SPMIP4: variants seen among roughly 807,000 people sequenced by gnomAD.
The protein encoded by SPMIP4 is sperm microtubule inner protein 4, also known as sperm-associated microtubule inner protein 4.
At chr7:25,144,332 G>A in the SPMIP4 span, among the ~76,000 whole-genome samples, 1 of 152,208 alleles carries the variant, frequency 6.6e-6, no homozygotes, top group Admixed American at 6.5e-5. Context: ...TGGACTTCTT[G>A]GACTACTTCG....
At chr7:25,136,447 G>T in the SPMIP4 span, 3 of 1,614,142 alleles carry the variant, frequency 1.9e-6, no homozygotes, top group East Asian at 6.7e-5. This position sits in a 1 kb window ranked among gnomAD's most constrained non-coding sequence, Gnocchi z 5.7. Context: ...TTTAGTATCT[G>T]TGATTTTTGG....
At chr7:25,178,374 T>C in the SPMIP4 span, among the ~76,000 whole-genome samples, 2 of 152,216 alleles carry the variant, frequency 1.3e-5, no homozygotes, top group African/African-American at 4.8e-5. Context: ...CAAATGGTAA[T>C]TCTGTTTTGA....
chr7:25,148,621 T>C, the SPMIP4 span, among the ~76,000 whole-genome samples: 7 of 151,896 alleles, frequency 4.6e-5, no homozygotes, highest in Non-Finnish European at 1.0e-4. Flanking sequence ...GTTACAGGCA[T>C]GCCCCACCAT....
the SPMIP4 span, chr7:25,180,326 G>C: frequency 6.6e-6 from 1 of 152,404 alleles, no homozygotes; most frequent in African/African-American, 2.4e-5. Flanking sequence ...CGGAGTGCGA[G>C]GCGCCGGGTC....
At chr7:25,170,991 G>A in the SPMIP4 span, among the ~76,000 whole-genome samples, 2 of 152,184 alleles carry the variant, frequency 1.3e-5, no homozygotes, top group Non-Finnish European at 2.9e-5. Flanking sequence ...AAATGCAAAT[G>A]CTCAGGATCC....
chr7:25,153,462 C>A, the SPMIP4 span, among the ~76,000 whole-genome samples: 2 of 151,420 alleles, frequency 1.3e-5, no homozygotes, highest in African/African-American at 2.4e-5. Flanking sequence ...GTCCCTGCTA[C>A]TTGGGAGGCT....
the SPMIP4 span, chr7:25,161,242 T>C: frequency 4.5e-6 from 7 of 1,555,136 alleles, no homozygotes; most frequent in African/African-American, 8.2e-5. Context: ...AATAATAAAA[T>C]TGTTCAACAG....
the SPMIP4 span, among the ~76,000 whole-genome samples, chr7:25,178,371 T>C: frequency 1.3e-5 from 2 of 152,220 alleles, no homozygotes; most frequent in Non-Finnish European, 2.9e-5. Context: ...GGTCAAATGG[T>C]AATTCTGTTT....
chr7:25,165,655 C>T, the SPMIP4 span, among the ~76,000 whole-genome samples: 2 of 152,178 alleles, frequency 1.3e-5, no homozygotes, highest in African/African-American at 4.8e-5. Context: ...GCCGCATTTT[C>T]TTACATTGAA....
the SPMIP4 span, among the ~76,000 whole-genome samples, chr7:25,169,349 C>T: frequency 7.2e-5 from 11 of 152,020 alleles, no homozygotes; most frequent in African/African-American, 2.7e-4. Context: ...CTCAAGAATA[C>T]CCTGTATTGC....
the SPMIP4 span, among the ~76,000 whole-genome samples, chr7:25,159,750 T>TA: frequency 5.9e-5 from 9 of 152,194 alleles, no homozygotes; most frequent in Admixed American, 5.2e-4. Flanking sequence ...GGCACGAAAC[T>TA]AAAAAAAGCA....
the SPMIP4 span, chr7:25,158,502 C>T: frequency 1.9e-6 from 3 of 1,606,880 alleles, no homozygotes; most frequent in Admixed American, 5.1e-5. Flanking sequence ...TTTACTTACC[C>T]TACTGTTGAA....
the SPMIP4 span, among the ~76,000 whole-genome samples, chr7:25,165,678 C>A: frequency 1.3e-5 from 2 of 152,220 alleles, no homozygotes; most frequent in African/African-American, 4.8e-5. Context: ...AACGGTCCTC[C>A]AACTTTGCTG....
the SPMIP4 span, chr7:25,154,910 A>G: frequency 8.0e-6 from 9 of 1,126,424 alleles, no homozygotes; most frequent in Non-Finnish European, 1.1e-5. Flanking sequence ...TGAGTCACAC[A>G]TTTGTGACTT....
At chr7:25,157,436 A>G in the SPMIP4 span, among the ~76,000 whole-genome samples, 1 of 151,842 alleles carries the variant, frequency 6.6e-6, no homozygotes, top group Non-Finnish European at 1.5e-5. Context: ...TGCAGCGGGG[A>G]AACCTGCTGA....
the SPMIP4 span, among the ~76,000 whole-genome samples, chr7:25,141,400 C>T: frequency 6.6e-6 from 1 of 152,026 alleles, no homozygotes; most frequent in East Asian, 1.9e-4. Flanking sequence ...GGTGAAACCC[C>T]GTCTCTACTA....
the SPMIP4 span, among the ~76,000 whole-genome samples, chr7:25,149,326 T>C: frequency 4.0e-5 from 6 of 151,524 alleles, no homozygotes; most frequent in Admixed American, 1.3e-4. Context: ...GCAGGAAAAA[T>C]AGGAAGGACA....
chr7:25,136,089 A>G, the SPMIP4 span: 1 of 1,614,136 alleles, frequency 6.2e-7, no homozygotes, highest in Non-Finnish European at 8.5e-7. The surrounding 1 kb of genome is among the most constrained non-coding windows in gnomAD (Gnocchi z 5.7). Context: ...GCTTTTGTGC[A>G]CCAGTTTTTG....
At chr7:25,136,554 C>A in the SPMIP4 span, 1 of 1,614,144 alleles carries the variant, frequency 6.2e-7, no homozygotes, top group Admixed American at 1.7e-5. The surrounding 1 kb of genome is among the most constrained non-coding windows in gnomAD (Gnocchi z 5.7). Context: ...CTATGATCTT[C>A]TCTTCAATAT....
Sources: gnomAD v4.1 joint callset for allele counts (sites outside exome capture counted in the v4.1 genomes callset) on GRCh38, gnomAD v4.1.1 for gene constraint, Gnocchi (gnomAD v3.1) non-coding constraint, MANE v1.5 for transcripts, NCBI Gene and HGNC (gene_info 2026-07-23, HGNC 2026-07-21) for gene names.